PARN: variants seen among roughly 807,000 people sequenced by gnomAD.
PARN encodes poly(A)-specific ribonuclease.
A neutral mutation model predicts 102.8 loss-of-function variants in PARN; 71 were observed. The observed-to-expected ratio is 0.69, with a 90% CI of 0.57 to 0.84. The LOEUF is 0.84. Among genes scored for constraint, PARN ranks in the 40% least tolerant of loss-of-function variants. The probability of loss-of-function intolerance (pLI) is 0.00; values close to 1 mark genes in which losing one functional copy is unlikely to be tolerated. For missense variants in PARN, 782 were observed against 760.9 expected (o/e 1.03, Z -0.33); for synonymous variants, 261 against 252.9 (o/e 1.03, Z -0.30).
At chr16:14,551,098 A>C (rs1280660228) in intron 21 of PARN, among the ~76,000 whole-genome samples, 1 of 151,318 alleles carries the variant, frequency 6.6e-6, no homozygotes, top group Non-Finnish European at 1.5e-5. Flanking sequence ...CGCCCAGCTA[A>C]ATTTTGCATA....
At chr16:14,498,564 T>G (rs1017331705) in intron 21 of PARN, among the ~76,000 whole-genome samples, 7 of 152,080 alleles carry the variant, frequency 4.6e-5, no homozygotes, top group Non-Finnish European at 1.0e-4. Flanking sequence ...GGACACATCA[T>G]ACACGATCTG....
chr16:14,604,491 C>A (rs1233678976), intron 10 of PARN, among the ~76,000 whole-genome samples: 1 of 152,100 alleles, frequency 6.6e-6, no homozygotes, highest in East Asian at 1.9e-4. Flanking sequence ...AAACTCCCCA[C>A]CTCAGGTGAT....
chr16:14,593,161 T>A, intron 13 of PARN, 140 bp downstream of exon 13: 1 of 569,448 alleles, frequency 1.8e-6, no homozygotes, highest in Non-Finnish European at 3.1e-6. Context: ...ACTGAGTGCA[T>A]AAGATTCTCT....
At chr16:14,522,700 T>A (rs1418794685) in intron 21 of PARN, among the ~76,000 whole-genome samples, 1 of 151,990 alleles carries the variant, frequency 6.6e-6, no homozygotes, top group Non-Finnish European at 1.5e-5. Flanking sequence ...TGGAACAAGG[T>A]CCCTGCATCA....
intron 18 of PARN, among the ~76,000 whole-genome samples, chr16:14,560,695 C>CCAGG (rs776060361): frequency 3.3e-5 from 5 of 152,306 alleles, no homozygotes; most frequent in South Asian, 2.1e-4. Flanking sequence ...GCACAGCATA[C>CCAGG]CAGGATCTTT....
intron 22 of PARN, among the ~76,000 whole-genome samples, chr16:14,468,129 A>G (rs1027592933): frequency 1.3e-5 from 2 of 152,178 alleles, no homozygotes; most frequent in Non-Finnish European, 2.9e-5. Flanking sequence ...TCATAAATGG[A>G]TATCTTAGGA....
intron 21 of PARN, among the ~76,000 whole-genome samples, chr16:14,550,614 T>C (rs527351080): frequency 4.7e-4 from 71 of 152,282 alleles, no homozygotes; most frequent in African/African-American, 1.7e-3. Context: ...AGTCAGATAA[T>C]GAAAGAAAAA....
chr16:14,490,913 C>T (rs62037464), intron 21 of PARN, among the ~76,000 whole-genome samples: 13,501 of 152,060 alleles, frequency 0.089, 704 homozygotes, highest in Admixed American at 0.15. Context: ...CTTTAAAAAT[C>T]TTTAAAGAAA....
At chr16:14,445,756 G>T (rs1398379223) in intron 23 of PARN, among the ~76,000 whole-genome samples, 1 of 152,184 alleles carries the variant, frequency 6.6e-6, no homozygotes, top group African/African-American at 2.4e-5. Flanking sequence ...TAGAGACGTG[G>T]TTTTGCCATG....
intron 22 of PARN, among the ~76,000 whole-genome samples, chr16:14,477,532 C>A (rs975853250): frequency 6.6e-6 from 1 of 151,778 alleles, no homozygotes; most frequent in African/African-American, 2.4e-5. Flanking sequence ...AATCCCAGCA[C>A]TTTGGGAGGC....
At chr16:14,583,230 A>G (rs928436942) in intron 16 of PARN, among the ~76,000 whole-genome samples, 3 of 152,252 alleles carry the variant, frequency 2.0e-5, no homozygotes, top group Non-Finnish European at 4.4e-5. Context: ...ACTATTTTAT[A>G]TGGAAATAAT....
chr16:14,503,154 C>G (rs1964710501), intron 21 of PARN, among the ~76,000 whole-genome samples: 1 of 152,118 alleles, frequency 6.6e-6, no homozygotes, highest in South Asian at 2.1e-4. Flanking sequence ...GGCACTGATA[C>G]TAGCTGAATG....
Position 14,627,119 on chromosome 16 carries a change from T to C in PARN, c.314A>G (p.Lys105Arg), listed in dbSNP as rs1213898858. ...TATGCTACTTACCTGACAAACAAAT[T>C]TGACATCTGGTGAGGATCTATTGAA... Reference protein sequence around the residue: ...KPFNRSSPDVKFVCQSSSIDF... With the variant: ...KPFNRSSPDVRFVCQSSSIDF... Residue 105 changes from lysine (K) to arginine (R), a missense_variant, in exon 5 of 24, where the codon AAA becomes AGA. Physicochemically the swap from Lys to Arg is conservative, Grantham distance 26 (BLOSUM62 2). Coordinates refer to ENST00000437198, the MANE Select transcript of PARN (RefSeq NM_002582.4). 3.8e-6 allele frequency: 6 copies of C among 1,594,314 alleles called. No homozygotes were observed. The highest frequency in any genetic ancestry group is 3.4e-5 in the Admixed American group (2 of 59,454).
intron 20 of PARN, among the ~76,000 whole-genome samples, chr16:14,552,953 A>AAAT (rs906263154): frequency 5.9e-5 from 9 of 151,976 alleles, no homozygotes; most frequent in East Asian, 3.9e-4. Flanking sequence ...TGTCTCAAAA[A>AAAT]AATAATAATA....
chr16:14,581,252 A>G (rs1335156008), intron 17 of PARN, among the ~76,000 whole-genome samples: 2 of 152,008 alleles, frequency 1.3e-5, no homozygotes, highest in Non-Finnish European at 2.9e-5. Flanking sequence ...GGGTTTTTCC[A>G]TGTTGGTCAG....
chr16:14,444,982 A>C (rs1370355026), intron 23 of PARN, among the ~76,000 whole-genome samples: 2 of 148,864 alleles, frequency 1.3e-5, no homozygotes, highest in East Asian at 3.9e-4. Context: ...CTAATATTTA[A>C]ATTTTTTTTT....
chr16:14,595,668 G>A (rs1055625113), intron 12 of PARN, among the ~76,000 whole-genome samples: 1 of 152,194 alleles, frequency 6.6e-6, no homozygotes, highest in Non-Finnish European at 1.5e-5. Flanking sequence ...GAGTAGCTGG[G>A]ATTACAGGTG....
chr16:14,515,081 T>C (rs1167672126), intron 21 of PARN, among the ~76,000 whole-genome samples: 1 of 152,226 alleles, frequency 6.6e-6, no homozygotes, highest in Non-Finnish European at 1.5e-5. Context: ...CCGTTGTCAC[T>C]GTGTCACTGT....
At chr16:14,439,211 AAAATTTAC>A (rs1469473368) in intron 23 of PARN, among the ~76,000 whole-genome samples, 1 of 151,980 alleles carries the variant, frequency 6.6e-6, no homozygotes, top group African/African-American at 2.4e-5. Context: ...GCCTCTACAA[AAAATTTAC>A]AAATTTGCCA....
Sources: allele counts gnomAD v4.1 joint callset (sites outside exome capture counted in the v4.1 genomes callset), GRCh38; gene constraint gnomAD v4.1.1; transcripts MANE v1.5; gene names NCBI Gene and HGNC (gene_info 2026-07-23, HGNC 2026-07-21).